The following RBM33 variants were observed in gnomAD, a reference collection of about 807,000 sequenced individuals.
RBM33 encodes RNA binding motif protein 33, also known as RNA-binding protein 33.
In RBM33, 28 loss-of-function variants were observed where a neutral mutation model predicts 132.6. That is an observed-to-expected ratio of 0.21 (90% CI 0.16 to 0.29). The LOEUF (loss-of-function observed/expected upper bound fraction) is 0.29, where lower values mean the gene tolerates loss of function less well. Ranked by LOEUF, RBM33 falls within the 10% of genes least tolerant of loss-of-function variation. The probability of loss-of-function intolerance (pLI) is 1.00; values close to 1 mark genes in which losing one functional copy is unlikely to be tolerated. For missense variants in RBM33, 1,291 were observed against 1,518.5 expected, an observed-to-expected ratio of 0.85 and a Z score of 2.49; for synonymous variants, 634 against 593.0, an observed-to-expected ratio of 1.07 and a Z score of -1.01.
chr7:155,672,927 A>G lies in RBM33; in HGVS notation c.171+12A>G. On this transcript the variant is annotated intron_variant, in intron 3 of 17. Coordinates refer to ENST00000401878, the MANE Select transcript of RBM33 (RefSeq NM_053043.3). ...TATCTGGCAAAAAGGTAAGAAGTTT[A>G]TGTCCTTCTGAGATGAAATACTAGT... is the stretch of plus-strand genomic sequence containing the variant. 1 of 1,528,308 alleles carries G rather than the reference A, an allele frequency of 6.5e-7. No homozygotes were observed. The highest frequency in any genetic ancestry group is 1.4e-5 in the African/African-American group (1 of 72,674). The allele number at this position is 1,528,308 out of a possible 1,614,324, so 94.7% of individuals were successfully genotyped here.
intron 16 of RBM33, among the ~76,000 whole-genome samples, chr7:155,771,484 G>A (rs1036657118): frequency 2.6e-5 from 4 of 152,162 alleles, no homozygotes; most frequent in African/African-American, 4.8e-5. Flanking sequence ...TGAAAACCAA[G>A]GCATTCCTCT....
rs1409756096 is a variant in RBM33, at chr7:155,780,835, C to T, written c.*5794C>T. ...ACAGGTCTTCACTCACGATTTATTCCTCCAGGTCTTTGATTGGAGAGAGTA... is the reference window on the plus strand; with the variant it reads ...ACAGGTCTTCACTCACGATTTATTCTTCCAGGTCTTTGATTGGAGAGAGTA... On this transcript the variant is annotated 3_prime_UTR_variant, in exon 18 of 18. Coordinates refer to ENST00000401878, the MANE Select transcript of RBM33 (RefSeq NM_053043.3). 1 of 152,680 alleles carries T rather than the reference C, an allele frequency of 6.5e-6. No homozygotes were observed. Among genetic ancestry groups the T allele is most frequent in the Non-Finnish European group, 1.5e-5 (1 of 68,076 alleles). The allele number at this position is 152,680 out of a possible 1,614,324, so 9.5% of individuals were successfully genotyped here. A position where few individuals can be genotyped will look rare whatever the true frequency, so the allele number is the denominator to read the frequency against.
intron 1 of RBM33, among the ~76,000 whole-genome samples, chr7:155,647,464 T>G (rs1177416608): frequency 6.6e-6 from 1 of 152,162 alleles, no homozygotes; most frequent in Non-Finnish European, 1.5e-5. Flanking sequence ...AGGGTCTTGC[T>G]GTGTTGCCCA....
At chr7:155,680,503 A>G (rs1350782157) in intron 4 of RBM33, 87 bp from the exon 5 acceptor site, 1 of 968,596 alleles carries the variant, frequency 1.0e-6, no homozygotes, top group Admixed American at 2.9e-5. Context: ...CATGGTTTAA[A>G]TCTTTGTAAC....
intron 9 of RBM33, among the ~76,000 whole-genome samples, chr7:155,728,856 C>CA (rs1800871001): frequency 1.3e-5 from 2 of 152,172 alleles, no homozygotes; most frequent in Non-Finnish European, 2.9e-5. Context: ...CAAGTTCTGC[C>CA]ACTTTCTAAC....
At position 155,745,955 on chromosome 7, in the gene RBM33, A is replaced by G. The variant is rs1169922685; in HGVS notation, c.2979+353A>G. On this transcript the variant is annotated intron_variant, in intron 14 of 17. Transcript: ENST00000401878. This position sits in a 1 kb window ranked among gnomAD's most constrained non-coding sequence, Gnocchi z 4.1. ...TGAATACTATAGGCAGTTGTCACACAATGATGAGTAGTTGTGTGTCGAAAT... is the reference window on the plus strand; with the variant it reads ...TGAATACTATAGGCAGTTGTCACACGATGATGAGTAGTTGTGTGTCGAAAT... Among the ~76,000 whole-genome samples the G allele has an allele frequency of 1.3e-5, 2 of 150,988 alleles. No homozygotes were observed. The highest frequency in any genetic ancestry group is 2.9e-5 in the Non-Finnish European group (2 of 68,028).
intron 8 of RBM33, among the ~76,000 whole-genome samples, chr7:155,713,235 T>TG: frequency 6.6e-6 from 1 of 151,998 alleles, no homozygotes; most frequent in Middle Eastern, 3.4e-3. Context: ...GCCATGTGAG[T>TG]GGAGGGGTCT....
chr7:155,753,619 C>T (rs1013235777), intron 14 of RBM33, among the ~76,000 whole-genome samples: 2 of 152,154 alleles, frequency 1.3e-5, no homozygotes, highest in Non-Finnish European at 2.9e-5. Context: ...CTGAACTTGC[C>T]CATGAGAAGG....
intron 3 of RBM33, among the ~76,000 whole-genome samples, chr7:155,673,497 C>T (rs1180855348): frequency 7.4e-6 from 1 of 135,752 alleles, no homozygotes; most frequent in Admixed American, 7.2e-5. Context: ...TATATACACA[C>T]ATATATACAT....
chr7:155,756,156 A>G (rs28487953), intron 14 of RBM33, among the ~76,000 whole-genome samples: 36,607 of 152,164 alleles, frequency 0.24, 4,669 homozygotes, highest in African/African-American at 0.32. Flanking sequence ...TCTGTCACCC[A>G]CATACAACAC....
At chr7:155,656,308 A>G (rs1034251865) in intron 1 of RBM33, among the ~76,000 whole-genome samples, 11 of 152,222 alleles carry the variant, frequency 7.2e-5, no homozygotes, top group Admixed American at 2.0e-4. Flanking sequence ...TGACCACTGC[A>G]TGGTGGCACA....
At chr7:155,772,647 A>G (rs1040244355) in intron 16 of RBM33, among the ~76,000 whole-genome samples, 1 of 152,114 alleles carries the variant, frequency 6.6e-6, no homozygotes, top group Non-Finnish European at 1.5e-5. Context: ...TTCATTTTTT[A>G]TTTCAGAAAG....
intron 14 of RBM33, among the ~76,000 whole-genome samples, chr7:155,747,118 A>C (rs1801541770): frequency 6.6e-6 from 1 of 152,228 alleles, no homozygotes; most frequent in South Asian, 2.1e-4. Flanking sequence ...TATGTAGACT[A>C]TCCAGTAGGA....
chr7:155,714,168 C>G (rs1800391397), intron 8 of RBM33, among the ~76,000 whole-genome samples: 1 of 152,102 alleles, frequency 6.6e-6, no homozygotes, highest in South Asian at 2.1e-4. Context: ...GTGTCTCTGT[C>G]CAGCTGCGCT....
chr7:155,766,487 CAGA>C lies in RBM33; in HGVS notation c.3208_3210del (p.Arg1070del), dbSNP rs752896787. The C allele has an allele frequency of 6.2e-6, 10 of 1,613,486 alleles. No homozygotes were observed. The South Asian group carries it at 1.1e-4, about 18-fold the overall frequency. ...ACCAGGCCATCATGCACGGACGAGG[CAGA>C]GGAGTGGCCGGTCCCATGGGCCGGG... On this transcript the variant is annotated inframe_deletion, in exon 16 of 18. Coordinates refer to ENST00000401878, the MANE Select transcript of RBM33 (RefSeq NM_053043.3).
At chr7:155,701,075 G>A in intron 6 of RBM33, 131 bp downstream of exon 6, 1 of 760,446 alleles carries the variant, frequency 1.3e-6, no homozygotes. Flanking sequence ...AGAGTGGCCG[G>A]ACTTTGGAGT....
chr7:155,683,401 T>G (rs1799389208), intron 5 of RBM33, among the ~76,000 whole-genome samples: 1 of 152,228 alleles, frequency 6.6e-6, no homozygotes, highest in African/African-American at 2.4e-5. Context: ...ATTAAATGAC[T>G]TGTATAACTG....
chr7:155,652,307 C>G (rs1798377044), intron 1 of RBM33, among the ~76,000 whole-genome samples: 1 of 152,148 alleles, frequency 6.6e-6, no homozygotes, highest in South Asian at 2.1e-4. Flanking sequence ...CCGCCGTTTA[C>G]CTTGAAAGCA....
intron 1 of RBM33, among the ~76,000 whole-genome samples, chr7:155,659,411 A>G (rs532895620): frequency 3.3e-5 from 5 of 152,278 alleles, no homozygotes; most frequent in African/African-American, 1.2e-4. Flanking sequence ...TAAAGAAATT[A>G]TTAGAAGGAA....
Sources: gnomAD v4.1 joint callset for allele counts (sites outside exome capture counted in the v4.1 genomes callset) on GRCh38, gnomAD v4.1.1 for gene constraint, Gnocchi (gnomAD v3.1) non-coding constraint, MANE v1.5 for transcripts, NCBI Gene and HGNC (gene_info 2026-07-23, HGNC 2026-07-21) for gene names.